TRIM29: variants seen among roughly 807,000 people sequenced by gnomAD.
TRIM29 encodes tripartite motif containing 29, also known as tripartite motif-containing protein 29.
A neutral mutation model predicts 57.3 loss-of-function variants in TRIM29; 52 were observed. The observed-to-expected ratio is 0.91, with a 90% confidence interval of 0.73 to 1.14. TRIM29 has a LOEUF of 1.14. Ranked by LOEUF, TRIM29 falls within the 50% of genes most tolerant of loss-of-function variation. TRIM29 has a pLI of 0.00. For synonymous variants in TRIM29, 319 were observed against 316.9 expected, an observed-to-expected ratio of 1.01 and a Z score of -0.07; for missense variants, 753 against 774.6, an observed-to-expected ratio of 0.97 and a Z score of 0.33.
At chr11:120,131,333 G>T (rs545395141) in intron 1 of TRIM29, among the ~76,000 whole-genome samples, 26 of 152,076 alleles carry the variant, frequency 1.7e-4, no homozygotes, top group Non-Finnish European at 3.1e-4. Context: ...GGCAGGGAGA[G>T]GCCAGTCCCT....
Position 120,125,856 on chromosome 11 carries a change from G to A in TRIM29, c.1168C>T (p.Pro390Ser). The change falls in exon 4 of 9, where the codon CCC becomes TCC. Residue 390 changes from proline (P) to serine (S), a missense_variant. Pro to Ser is a moderately conservative substitution (Grantham distance 74). Coordinates refer to ENST00000341846, the MANE Select transcript of TRIM29 (RefSeq NM_012101.4). ...FGALMSNYSL[P>S]PPLPTYHVLL... The stretch of plus-strand genomic sequence containing the variant: ...ACATGATAGGTGGGCAGGGGTGGGG[G>A]GAGAGAGTAATTGCTCATCAATGCA... The A allele has an allele frequency of 2.5e-6, 4 of 1,614,028 alleles. No homozygotes were observed. Among genetic ancestry groups the A allele is most frequent in the Non-Finnish European group, 3.4e-6 (4 of 1,179,956 alleles).
At chr11:120,121,828 G>A (rs2036874432) in intron 5 of TRIM29, 1 of 367,568 alleles carries the variant, frequency 2.7e-6, no homozygotes, top group Non-Finnish European at 5.6e-6. Context: ...GCACCCCAGG[G>A]CCTGGTCCAT....
intron 7 of TRIM29, chr11:120,116,781 G>T: frequency 4.9e-6 from 1 of 202,940 alleles, no homozygotes; most frequent in Non-Finnish European, 1.0e-5. Flanking sequence ...CCCGCCTTGT[G>T]CAGCAGGCAG....
Position 120,112,339 on chromosome 11 carries a change from G to T in TRIM29, c.*75C>A. 2 of 1,575,664 alleles carry T rather than the reference G, an allele frequency of 1.3e-6. No individual in the cohort carries two copies. The highest frequency in any genetic ancestry group is 1.7e-6 in the Non-Finnish European group (2 of 1,147,358). ...GCTCCCTCCCACCCAGACAAGCACA[G>T]TAGCTTAGAAGGCAAGAGCAGCAGG... On this transcript the variant is annotated 3_prime_UTR_variant, in exon 9 of 9. Transcript: ENST00000341846.
intron 1 of TRIM29, among the ~76,000 whole-genome samples, chr11:120,134,016 T>C (rs568407522): frequency 9.9e-5 from 15 of 152,020 alleles, no homozygotes; most frequent in African/African-American, 3.6e-4. Flanking sequence ...AAGCTTGAGA[T>C]AGGCAGAAGG....
rs908915488 is a variant in TRIM29 at position 120,112,422 on chromosome 11, C to T, written c.1759G>A (p.Ala587Thr). 6.2e-6 allele frequency: 10 copies of T among 1,613,376 alleles called. No individual in the cohort carries two copies. The highest frequency in any genetic ancestry group is 7.6e-6 in the Non-Finnish European group (9 of 1,179,738). The change falls in exon 9 of 9, where the codon GCC becomes ACC. Residue 587 changes from alanine (A) to threonine (T), a missense_variant. Transcript: ENST00000341846. ...TTCCTTCCGCCAGGAGCTCATGGGG[C>T]TTCGTTGGACCCAATCCCGTTGCCT... ...NKGNGIGSNEAP is the reference protein window; with the variant it reads ...NKGNGIGSNETP
At chr11:120,125,396 CA>C in intron 4 of TRIM29, 11 of 437,358 alleles carry the variant, frequency 2.5e-5, no homozygotes, top group East Asian at 4.1e-5. Context: ...TGAACGAAAC[CA>C]GTCTCTGAGT....
chr11:120,134,681 C>T (rs549960317), intron 1 of TRIM29, among the ~76,000 whole-genome samples: 2 of 152,376 alleles, frequency 1.3e-5, no homozygotes, highest in Admixed American at 1.3e-4. Flanking sequence ...CCCACCATCA[C>T]AGTCACTTTA....
intron 1 of TRIM29, among the ~76,000 whole-genome samples, chr11:120,132,073 C>T (rs1445348023): frequency 1.3e-5 from 2 of 151,580 alleles, no homozygotes; most frequent in Non-Finnish European, 2.9e-5. Context: ...CTTCAAGAGG[C>T]GCACCTAGAG....
intron 1 of TRIM29, among the ~76,000 whole-genome samples, chr11:120,129,718 G>C (rs1433745437): frequency 6.6e-6 from 1 of 151,796 alleles, no homozygotes; most frequent in South Asian, 2.1e-4. Flanking sequence ...ATGGCAGATA[G>C]AGCTTCCCTG....
At chr11:120,124,637 G>A (rs1390908092) in intron 4 of TRIM29, 1 of 152,176 alleles carries the variant, frequency 6.6e-6, no homozygotes, top group Non-Finnish European at 1.5e-5. Context: ...ATCACCATTA[G>A]CATCATCACT....
At chr11:120,130,554 A>G (rs1863698865) in intron 1 of TRIM29, among the ~76,000 whole-genome samples, 1 of 152,164 alleles carries the variant, frequency 6.6e-6, no homozygotes, top group Non-Finnish European at 1.5e-5. Context: ...GTGCCTCTGA[A>G]AGTTGCCTGG....
chr11:120,114,767 C>A (rs12807982), intron 8 of TRIM29, among the ~76,000 whole-genome samples: 35,303 of 152,100 alleles, frequency 0.23, 4,672 homozygotes, highest in Non-Finnish European at 0.31. Flanking sequence ...AGGACCCCAC[C>A]GTCAGCAGGT....
Position 120,137,246 on chromosome 11 carries a change from C to T in TRIM29, c.786G>A (p.Glu262=). ...CACTTACCTCCTTCTCGGCCTTGGC[C>T]TCCTCCACTGTCACGGTGCTATGAT... ...HKNHSTVTVE[E]AKAEKETELS... is the part of the protein sequence containing the mutation. Residue 262 remains glutamate, a synonymous_variant, in exon 1 of 9, where the codon GAG becomes GAA. Coordinates refer to ENST00000341846, the MANE Select transcript of TRIM29 (RefSeq NM_012101.4). This position sits in a 1 kb window ranked among gnomAD's most constrained non-coding sequence, Gnocchi z 6.2. 2 of 1,614,164 alleles carry T rather than the reference C, an allele frequency of 1.2e-6. No homozygotes were observed. Among genetic ancestry groups the T allele is most frequent in the East Asian group, 2.2e-5 (1 of 44,878 alleles).
chr11:120,130,213 A>C, intron 1 of TRIM29, among the ~76,000 whole-genome samples: 1 of 152,230 alleles, frequency 6.6e-6, no homozygotes, highest in South Asian at 2.1e-4. Flanking sequence ...GAAGAGTCCA[A>C]GAGAGTGGAC....
chr11:120,115,527 C>A, intron 7 of TRIM29, 113 bp from the exon 8 acceptor site: 1 of 922,866 alleles, frequency 1.1e-6, no homozygotes, highest in South Asian at 1.7e-5. Flanking sequence ...TCATCCAGCC[C>A]ATTACCAAAT....
At chr11:120,135,055 C>T (rs1040904197) in intron 1 of TRIM29, among the ~76,000 whole-genome samples, 4 of 152,104 alleles carry the variant, frequency 2.6e-5, no homozygotes, top group Non-Finnish European at 4.4e-5. Flanking sequence ...CCTCAGCGGC[C>T]CCCATGCCAG....
At chr11:120,132,210 T>G (rs1863735654) in intron 1 of TRIM29, among the ~76,000 whole-genome samples, 1 of 151,576 alleles carries the variant, frequency 6.6e-6, no homozygotes. Flanking sequence ...ATCTCTTTCC[T>G]TTTGCCCCCG....
At position 120,137,899 on chromosome 11, in the gene TRIM29, C is replaced by T. The variant is rs1444878684; in HGVS notation, c.133G>A (p.Gly45Arg). 2.5e-6 allele frequency: 4 copies of T among 1,610,964 alleles called. No individual in the cohort carries two copies. The highest frequency in any genetic ancestry group is 2.5e-6 in the Non-Finnish European group (3 of 1,180,014). The change falls in exon 1 of 9, where the codon GGG becomes AGG. Residue 45 changes from glycine to arginine, a missense_variant. By Grantham distance (125) the Gly-to-Arg change is moderately radical. Transcript: ENST00000341846. This position sits in a 1 kb window ranked among gnomAD's most constrained non-coding sequence, Gnocchi z 6.2. ...ADGKDAKTTN[G>R]HGGEAAEGKS... ...CCCTCAGCTGCCTCCCCGCCGTGCCCGTTGGTGGTCTTGGCATCCTTGCCG... is the reference window on the plus strand; with the variant it reads ...CCCTCAGCTGCCTCCCCGCCGTGCCTGTTGGTGGTCTTGGCATCCTTGCCG...
Sources: gnomAD v4.1 joint callset for allele counts (sites outside exome capture counted in the v4.1 genomes callset) on GRCh38, gnomAD v4.1.1 for gene constraint, Gnocchi (gnomAD v3.1) non-coding constraint, MANE v1.5 for transcripts, NCBI Gene and HGNC (gene_info 2026-07-23, HGNC 2026-07-21) for gene names.